The following SLC24A4 variants were observed in gnomAD, a reference collection of about 807,000 sequenced individuals.
SLC24A4 encodes solute carrier family 24 member 4.
A neutral mutation model predicts 79.0 loss-of-function variants in SLC24A4; 53 were observed. The observed-to-expected ratio is 0.67, with a 90% confidence interval of 0.54 to 0.84. The LOEUF (loss-of-function observed/expected upper bound fraction) is 0.84. Ranked by LOEUF, SLC24A4 falls within the 40% of genes least tolerant of loss-of-function variation. The probability of loss-of-function intolerance (pLI) is 0.00; values close to 1 mark genes in which losing one functional copy is unlikely to be tolerated. For missense variants in SLC24A4, 731 were observed against 822.0 expected (o/e 0.89, Z 1.35); for synonymous variants, 323 against 323.8 (o/e 1.00, Z 0.03).
chr14:92,469,811 A>T (rs748400800), intron 12 of SLC24A4, among the ~76,000 whole-genome samples: 5 of 152,222 alleles, frequency 3.3e-5, no homozygotes, highest in African/African-American at 1.2e-4. Flanking sequence ...AGCCAGACAC[A>T]AAAGCCCCCA....
At chr14:92,389,136 T>A (rs1319467523) in intron 2 of SLC24A4, among the ~76,000 whole-genome samples, 4 of 152,166 alleles carry the variant, frequency 2.6e-5, no homozygotes, top group Non-Finnish European at 5.9e-5. Context: ...TGAACTTGGA[T>A]GATGGATGCA....
chr14:92,418,079 A>G (rs1891078409), intron 2 of SLC24A4, among the ~76,000 whole-genome samples: 1 of 152,214 alleles, frequency 6.6e-6, no homozygotes. Flanking sequence ...CCTCCCAAAT[A>G]TAATGAATGG....
chr14:92,335,551 T>TG (rs1302650004), intron 2 of SLC24A4, among the ~76,000 whole-genome samples: 1 of 150,884 alleles, frequency 6.6e-6, no homozygotes, highest in Non-Finnish European at 1.5e-5. Context: ...TAAGTAGAGA[T>TG]GGGGTTTCAC....
chr14:92,373,673 A>G (rs944317743), intron 2 of SLC24A4, among the ~76,000 whole-genome samples: 9 of 152,214 alleles, frequency 5.9e-5, no homozygotes, highest in Non-Finnish European at 1.3e-4. Context: ...GGGACGGTGA[A>G]CCCTGTGGGT....
At chr14:92,345,263 C>A (rs796401507) in intron 2 of SLC24A4, among the ~76,000 whole-genome samples, 46 of 152,306 alleles carry the variant, frequency 3.0e-4, no homozygotes, top group African/African-American at 1.1e-3. Flanking sequence ...GACTGTGGAG[C>A]CTGAATCCTG....
At chr14:92,467,925 AT>A (rs1894212937) in intron 12 of SLC24A4, among the ~76,000 whole-genome samples, 1 of 152,000 alleles carries the variant, frequency 6.6e-6, no homozygotes, top group Non-Finnish European at 1.5e-5. Context: ...TCTATTCCAC[AT>A]TATGCTGAGG....
intron 2 of SLC24A4, among the ~76,000 whole-genome samples, chr14:92,410,647 ATCT>A (rs751115177): frequency 3.3e-5 from 5 of 152,176 alleles, no homozygotes; most frequent in African/African-American, 7.2e-5. Context: ...CGCTCACCTC[ATCT>A]TCTGAACAAT....
intron 9 of SLC24A4, among the ~76,000 whole-genome samples, chr14:92,448,788 C>G (rs1176307171): frequency 6.6e-6 from 1 of 152,182 alleles, no homozygotes; most frequent in Non-Finnish European, 1.5e-5. Flanking sequence ...AGGACAGGCT[C>G]CAGTAAGTAG....
intron 7 of SLC24A4, 117 bp downstream of exon 7, chr14:92,443,591 T>C (rs879116090): frequency 9.7e-7 from 1 of 1,027,190 alleles, no homozygotes; most frequent in African/African-American, 1.6e-5. Flanking sequence ...CACACAATAG[T>C]GGGGTGTGCC....
chr14:92,443,463 G>A lies in SLC24A4; in HGVS notation c.646G>A (p.Val216Met), dbSNP rs1297436330. 21 of 1,614,046 alleles carry A rather than the reference G, an allele frequency of 1.3e-5. No homozygotes were observed. Among genetic ancestry groups the A allele is most frequent in the East Asian group, 4.5e-5 (2 of 44,884 alleles). Residue 216 changes from valine to methionine, a missense_variant, in exon 7 of 17, where the codon GTG (valine) becomes ATG (methionine). By Grantham distance (21) the Val-to-Met change is conservative. Transcript: ENST00000532405. Reference protein sequence around the residue: ...DSVYYTISVIVLIVFIYDEQI... With the variant: ...DSVYYTISVIMLIVFIYDEQI... ...CGTGTACTACACCATCTCTGTCATC[G>A]TGCTCATCGTGGTGAGTTGCCCCTC...
intron 4 of SLC24A4, among the ~76,000 whole-genome samples, chr14:92,439,786 C>G (rs1892390351): frequency 6.6e-6 from 1 of 152,178 alleles, no homozygotes; most frequent in African/African-American, 2.4e-5. Flanking sequence ...GTGGGCCCAC[C>G]CCCACCCCGC....
Position 92,353,314 on chromosome 14 carries a change from C to T in SLC24A4, c.241+27336C>T, listed in dbSNP as rs1297214325. Among the ~76,000 whole-genome samples the T allele has an allele frequency of 3.3e-5, 5 of 152,196 alleles. No homozygotes were observed. Among genetic ancestry groups the T allele is most frequent in the Admixed American group, 1.3e-4 (2 of 15,288 alleles). ...ATCATCTACATAGTATTCTATTGTGCGGATGTGCTATGATCTATTTAACTC... is the reference window on the plus strand; with the variant it reads ...ATCATCTACATAGTATTCTATTGTGTGGATGTGCTATGATCTATTTAACTC... On this transcript the variant is annotated intron_variant, in intron 2 of 16. Coordinates refer to ENST00000532405, the MANE Select transcript of SLC24A4 (RefSeq NM_153646.4). This position sits in a 1 kb window ranked among gnomAD's most constrained non-coding sequence, Gnocchi z 4.1.
chr14:92,400,168 T>C lies in SLC24A4; in HGVS notation c.242-33744T>C, dbSNP rs549043487. On this transcript the variant is annotated intron_variant, in intron 2 of 16. Coordinates refer to ENST00000532405, the MANE Select transcript of SLC24A4 (RefSeq NM_153646.4). Reference sequence around the variant, plus strand: ...AAAAATCAGAGTTGGAGGCCGAGCGTGGTGGCTCACGCCTGTAATCCCAGC... The same window carrying C: ...AAAAATCAGAGTTGGAGGCCGAGCGCGGTGGCTCACGCCTGTAATCCCAGC... 9.5e-4 allele frequency among the ~76,000 whole-genome samples: 144 copies of C among 152,142 alleles called. 1 individual carries two copies. The Middle Eastern group carries it at 0.014, about 14-fold the overall frequency.
intron 2 of SLC24A4, among the ~76,000 whole-genome samples, chr14:92,424,396 TC>T (rs563357718): frequency 1.6e-4 from 24 of 152,300 alleles, no homozygotes; most frequent in Admixed American, 9.8e-4. Context: ...AAAAAAGGTT[TC>T]TTTAGCTAAT....
intron 2 of SLC24A4, among the ~76,000 whole-genome samples, chr14:92,412,326 T>G (rs968657254): frequency 6.6e-6 from 1 of 152,190 alleles, no homozygotes; most frequent in Non-Finnish European, 1.5e-5. Flanking sequence ...GTTGTTTGTG[T>G]GGGACCAGCC....
intron 2 of SLC24A4, among the ~76,000 whole-genome samples, chr14:92,361,809 G>C (rs866416814): frequency 6.6e-6 from 1 of 152,142 alleles, no homozygotes; most frequent in African/African-American, 2.4e-5. Flanking sequence ...GGCTTGAATG[G>C]TGTTGATTTT....
At chr14:92,374,423 A>G (rs1888383584) in intron 2 of SLC24A4, among the ~76,000 whole-genome samples, 1 of 152,238 alleles carries the variant, frequency 6.6e-6, no homozygotes, top group Non-Finnish European at 1.5e-5. Flanking sequence ...GTATGCGAAC[A>G]GTCAGTCTCT....
At chr14:92,459,536 G>A (rs1428984791) in intron 12 of SLC24A4, among the ~76,000 whole-genome samples, 3 of 152,168 alleles carry the variant, frequency 2.0e-5, no homozygotes, top group Non-Finnish European at 2.9e-5. Flanking sequence ...GCATGCCTGA[G>A]CCAAGTTCCA....
intron 12 of SLC24A4, among the ~76,000 whole-genome samples, chr14:92,458,990 C>T (rs1276222284): frequency 1.3e-5 from 2 of 152,180 alleles, no homozygotes; most frequent in East Asian, 3.9e-4. Context: ...CTTCTCCACC[C>T]CTTGAAGTGG....
Sources: allele counts gnomAD v4.1 joint callset (sites outside exome capture counted in the v4.1 genomes callset), GRCh38; gene constraint gnomAD v4.1.1; non-coding constraint Gnocchi (gnomAD v3.1); transcripts MANE v1.5; gene names NCBI Gene and HGNC (gene_info 2026-07-23, HGNC 2026-07-21).